RASGEF1B: variants seen among roughly 807,000 people sequenced by gnomAD.
RASGEF1B encodes RasGEF domain family member 1B, also known as ras-GEF domain-containing family member 1B.
In RASGEF1B, 30 loss-of-function variants were observed where a neutral mutation model predicts 65.7. The ratio of observed to expected loss-of-function variants is 0.46; its 90% CI spans 0.34 to 0.62. RASGEF1B has a LOEUF of 0.62. Among genes scored for constraint, RASGEF1B ranks in the 20% least tolerant of loss-of-function variants. RASGEF1B has a pLI of 0.01. For synonymous variants in RASGEF1B, 175 were observed against 194.8 expected (o/e 0.90, Z 0.85); for missense variants, 495 against 580.1 (o/e 0.85, Z 1.51).
At chr4:81,445,886 G>T in intron 6 of RASGEF1B, 48 bp from the exon 7 acceptor site, 1 of 1,351,802 alleles carries the variant, frequency 7.4e-7, no homozygotes. Context: ...AAAAAACAAT[G>T]TAGTGGACTC....
chr4:81,441,557 T>TA (rs1307436206), intron 9 of RASGEF1B, among the ~76,000 whole-genome samples: 1 of 151,592 alleles, frequency 6.6e-6, no homozygotes, highest in Non-Finnish European at 1.5e-5. Context: ...TTTTTTTTTT[T>TA]TTGAGACAGG....
At chr4:81,428,792 C>T (rs1721315731) in intron 13 of RASGEF1B, among the ~76,000 whole-genome samples, 1 of 152,180 alleles carries the variant, frequency 6.6e-6, no homozygotes. Context: ...TTTTATTATA[C>T]CAGGGACTAG....
rs752708114 is a variant in RASGEF1B, at chr4:81,448,095, C to A, written c.628G>T (p.Ala210Ser). 2.5e-6 allele frequency: 4 copies of A among 1,614,078 alleles called. No homozygotes were observed. The highest frequency in any genetic ancestry group is 2.5e-6 in the Non-Finnish European group (3 of 1,180,010). The change falls in exon 5 of 14, where the codon GCC (alanine) becomes TCC (serine). Residue 210 changes from alanine to serine, a missense_variant. Transcript: ENST00000264400. ...AGCTCTATATGAGTCAGCTGCTGGG[C>A]CAACGTGTAAGGGTCGTTGCAGACA... is the stretch of plus-strand genomic sequence containing the variant. ...ITVCNDPYTL[A>S]QQLTHIELER... is the part of the protein sequence containing the mutation.
rs1722561571 is a variant in RASGEF1B, at chr4:81,459,395, G to A, written c.114C>T (p.Leu38=). The A allele has an allele frequency of 6.2e-7, 1 of 1,613,604 alleles. No homozygotes were observed. The highest frequency in any genetic ancestry group is 8.5e-7 in the Non-Finnish European group (1 of 1,179,920). ...TGAGTGCTTCCAGGGATCCAGAGAG[G>A]AGGTTGTTGTCATGGTAATACAACC... The part of the protein sequence containing the change: ...CGGLYYHDNN[L]LSGSLEALIQ... The change falls in exon 2 of 14, where the codon CTC becomes CTT. Residue 38 remains leucine (L), a synonymous_variant. Transcript: ENST00000264400.
intron 12 of RASGEF1B, among the ~76,000 whole-genome samples, chr4:81,432,662 A>G (rs1721471073): frequency 6.6e-6 from 1 of 152,098 alleles, no homozygotes; most frequent in Non-Finnish European, 1.5e-5. Context: ...ATGCTGTCGT[A>G]TACTCAGACT....
chr4:81,435,491 T>G (rs1369489098), intron 10 of RASGEF1B, among the ~76,000 whole-genome samples: 8 of 105,274 alleles, frequency 7.6e-5, no homozygotes, highest in East Asian at 2.8e-4. Context: ...TTTTTTGAGA[T>G]GGAGTCTCGC....
rs1721810203 is a variant in RASGEF1B, at chr4:81,440,885, A to G, written c.1053T>C (p.Ala351=). The G allele has an allele frequency of 1.2e-6, 2 of 1,613,242 alleles. No homozygotes were observed. Among genetic ancestry groups the G allele is most frequent in the Non-Finnish European group, 1.7e-6 (2 of 1,179,514 alleles). ...PSSNFYNYRT[A]LRGAAQRSLT... is the part of the protein sequence containing the mutation. ...AAGACCTTTGTGCTGCCCCACGAAGAGCTGTTCGATAATTATAGAAATTGC... is the reference window on the plus strand; with the variant it reads ...AAGACCTTTGTGCTGCCCCACGAAGGGCTGTTCGATAATTATAGAAATTGC... Residue 351 remains alanine, a synonymous_variant, in exon 10 of 14, where the codon GCT becomes GCC. Transcript: ENST00000264400.
chr4:81,432,186 T>C, intron 13 of RASGEF1B, 113 bp downstream of exon 13: 1 of 629,854 alleles, frequency 1.6e-6, no homozygotes, highest in African/African-American at 1.8e-5. Flanking sequence ...AGAGATAAAG[T>C]GCAGAGGACT....
At chr4:81,467,158 T>C (rs1220359677) in intron 1 of RASGEF1B, among the ~76,000 whole-genome samples, 1 of 152,172 alleles carries the variant, frequency 6.6e-6, no homozygotes. Context: ...GAAGATCCTA[T>C]TTCTCTCGCA....
At chr4:81,441,068 C>A (rs1487699165) in intron 9 of RASGEF1B, 139 bp from the exon 10 acceptor site, 2 of 578,130 alleles carry the variant, frequency 3.5e-6, no homozygotes, top group Non-Finnish European at 3.0e-6. Flanking sequence ...TTATCCTTCT[C>A]ATACACACAA....
At position 81,457,548 on chromosome 4, in the gene RASGEF1B, C is replaced by G; in HGVS notation, c.251G>C (p.Cys84Ser). 4 of 1,614,062 alleles carry G rather than the reference C, an allele frequency of 2.5e-6. No individual in the cohort carries two copies. The highest frequency in any genetic ancestry group is 3.4e-6 in the Non-Finnish European group (4 of 1,179,990). The change falls in exon 3 of 14, where the codon TGC becomes TCC. Residue 84 changes from cysteine to serine, a missense_variant. Physicochemically the swap from Cys to Ser is moderately radical, Grantham distance 112. Coordinates refer to ENST00000264400, the MANE Select transcript of RASGEF1B (RefSeq NM_152545.3). The part of the protein sequence containing the change: ...MHPYELMAKV[C>S]HLCVEHQRLS... ...TCTCTGGTGCTCAACACATAAGTGG[C>G]AAACTTTGGCCATTAGCTCATACGG...
chr4:81,461,545 C>A (rs1722645792), intron 1 of RASGEF1B, among the ~76,000 whole-genome samples: 1 of 152,022 alleles, frequency 6.6e-6, no homozygotes, highest in Non-Finnish European at 1.5e-5. Flanking sequence ...TTGGGAATTC[C>A]AAAAAATCAG....
rs1354345032 is a variant in RASGEF1B, at chr4:81,466,772, AAGAAAGAAAG to A, written c.-7+4988_-7+4997del. 1.8e-4 allele frequency among the ~76,000 whole-genome samples: 20 copies of A among 113,486 alleles called. No homozygotes were observed. The South Asian group carries it at 2.9e-3, about 17-fold the overall frequency. The allele number at this position is 113,486 out of a possible 152,430, so 74.5% of individuals were successfully genotyped here. On this transcript the variant is annotated intron_variant, in intron 1 of 13. Transcript: ENST00000264400. ...AGCCTCCATGTCAAAAAAAAAAAAAAAGAAAGAAAGAAAGAAAGAAAGAAAGAAAGAAAGA... is the reference window on the plus strand; with the variant it reads ...AGCCTCCATGTCAAAAAAAAAAAAAAAAAGAAAGAAAGAAAGAAAGAAAGA...
At chr4:81,456,228 A>G in intron 4 of RASGEF1B, 1 of 457,858 alleles carries the variant, frequency 2.2e-6, no homozygotes, top group Non-Finnish European at 3.8e-6. Flanking sequence ...TCTATTTATG[A>G]TTTATTAATC....
intron 13 of RASGEF1B, among the ~76,000 whole-genome samples, chr4:81,428,603 G>C (rs1287028552): frequency 2.0e-5 from 3 of 152,092 alleles, no homozygotes; most frequent in Non-Finnish European, 4.4e-5. Context: ...CATTATATTA[G>C]GTATTATAAG....
Position 81,426,981 on chromosome 4 carries a change from C to CAAAA in RASGEF1B, c.*783_*786dup, listed in dbSNP as rs546907988. The CAAAA allele has an allele frequency of 2.3e-4, 8 of 34,260 alleles. No individual in the cohort carries two copies. Among genetic ancestry groups the CAAAA allele is most frequent in the African/African-American group, 2.6e-4 (3 of 11,546 alleles). 2.1% of individuals were successfully genotyped at this position (34,260 alleles called of 1,614,324 possible). A position where few individuals can be genotyped will look rare whatever the true frequency, so the allele number is the denominator to read the frequency against. The stretch of plus-strand genomic sequence containing the variant: ...GTCAGTTGTAAACAGCTCAGAAGAG[C>CAAAA]AAAAAAAAAAAAAAAAAAAAAAAAA... On this transcript the variant is annotated 3_prime_UTR_variant, in exon 14 of 14. Coordinates refer to ENST00000264400, the MANE Select transcript of RASGEF1B (RefSeq NM_152545.3).
In RASGEF1B at chr4:81,466,937, T is replaced by TAAA. The variant is rs760715662; in HGVS notation, c.-7+4830_-7+4832dup. On this transcript the variant is annotated intron_variant, in intron 1 of 13. Coordinates refer to ENST00000264400, the MANE Select transcript of RASGEF1B (RefSeq NM_152545.3). ...AATGCTACACCTCTGCTTACCTCCT[T>TAAA]AAAAAAAAAAAAAAAAAAGAAAAAA... 5.2e-4 allele frequency among the ~76,000 whole-genome samples: 49 copies of TAAA among 94,698 alleles called. 5 individuals carry two copies. Among genetic ancestry groups the TAAA allele is most frequent in the African/African-American group, 1.4e-3 (34 of 23,510 alleles). The allele number at this position is 94,698 out of a possible 152,430, so 62.1% of individuals were successfully genotyped here. A position where few individuals can be genotyped will look rare whatever the true frequency, so the allele number is the denominator to read the frequency against.
At chr4:81,438,439 C>G (rs1217371347) in intron 10 of RASGEF1B, among the ~76,000 whole-genome samples, 2 of 152,362 alleles carry the variant, frequency 1.3e-5, no homozygotes, top group East Asian at 1.9e-4. Context: ...CGTGGGCCAC[C>G]ACGCCCGGCC....
rs201599232 is a variant in RASGEF1B, at chr4:81,433,888, G to C, written c.1276C>G (p.Arg426Gly). Residue 426 changes from arginine to glycine, a missense_variant, in exon 12 of 14, where the codon CGG (arginine) becomes GGG (glycine). Transcript: ENST00000264400. ...KQVECPFERDRKILQYLLTVP... is the reference protein window; with the variant it reads ...KQVECPFERDGKILQYLLTVP... ...GTGAGCAGATACTGCAAGATCTTCC[G>C]GTCCCTCTCAAATGGACACTCCACT... 17 of 1,613,758 alleles carry C rather than the reference G, an allele frequency of 1.1e-5. No homozygotes were observed. The highest frequency in any genetic ancestry group is 1.6e-4 in the Middle Eastern group (1 of 6,082).
Sources: gnomAD v4.1 joint callset for allele counts (sites outside exome capture counted in the v4.1 genomes callset) on GRCh38, gnomAD v4.1.1 for gene constraint, MANE v1.5 for transcripts, NCBI Gene and HGNC (gene_info 2026-07-23, HGNC 2026-07-21) for gene names.